The following CYP4X1 variants were observed in gnomAD, a reference collection of about 807,000 sequenced individuals.
The protein encoded by CYP4X1 is cytochrome P450 family 4 subfamily X member 1, also known as cytochrome P450 4X1.
In CYP4X1, 44 loss-of-function variants were observed where a neutral mutation model predicts 57.9. The observed-to-expected ratio is 0.76, with a 90% CI of 0.60 to 0.98. The LOEUF is 0.98. Ranked by LOEUF, CYP4X1 falls within the 50% of genes least tolerant of loss-of-function variation. CYP4X1 has a pLI of 0.00. For missense variants in CYP4X1, 532 were observed against 623.9 expected, an observed-to-expected ratio of 0.85 and a Z score of 1.57; for synonymous variants, 227 against 228.6, an observed-to-expected ratio of 0.99 and a Z score of 0.06.
chr1:47,006,199 A>G, the CYP4X1 span, among the ~76,000 whole-genome samples: 2 of 152,228 alleles, frequency 1.3e-5, no homozygotes, highest in Non-Finnish European at 2.9e-5. Flanking sequence ...TATCTGGGTC[A>G]TTTCCAATGA....
At chr1:46,979,996 T>G in the CYP4X1 span, among the ~76,000 whole-genome samples, 3 of 152,132 alleles carry the variant, frequency 2.0e-5, no homozygotes, top group African/African-American at 7.2e-5. Flanking sequence ...TAAGAGCTAT[T>G]TATGACAAAC....
the CYP4X1 span, among the ~76,000 whole-genome samples, chr1:46,994,857 T>A: frequency 3.6e-3 from 541 of 152,308 alleles, 4 homozygotes; most frequent in African/African-American, 0.012. Context: ...ACTTTAGGAA[T>A]TTATAGTCTA....
chr1:47,013,631 TTGAG>T, the CYP4X1 span, among the ~76,000 whole-genome samples: 17 of 152,200 alleles, frequency 1.1e-4, no homozygotes, highest in Non-Finnish European at 1.3e-4. Flanking sequence ...TGACTTACTA[TTGAG>T]TAAGTTAATT....
chr1:47,004,718 G>A, the CYP4X1 span, among the ~76,000 whole-genome samples: 1 of 152,194 alleles, frequency 6.6e-6, no homozygotes, highest in African/African-American at 2.4e-5. Flanking sequence ...AAGCCAAGGA[G>A]TAAAGGCAGA....
chr1:46,975,740 A>G, the CYP4X1 span, among the ~76,000 whole-genome samples: 1 of 152,104 alleles, frequency 6.6e-6, no homozygotes, highest in Admixed American at 6.5e-5. Context: ...ATTTTTGTGA[A>G]CAATATTCTC....
At chr1:46,963,561 T>C in the CYP4X1 span, among the ~76,000 whole-genome samples, 2 of 152,242 alleles carry the variant, frequency 1.3e-5, no homozygotes, top group East Asian at 3.8e-4. Flanking sequence ...TTAAAAATGT[T>C]GAATATTGGC....
chr1:47,049,348 G>A (rs906063176), intron 10 of CYP4X1, 74 bp from the exon 11 acceptor site: 13 of 1,037,108 alleles, frequency 1.3e-5, no homozygotes, highest in African/African-American at 9.5e-5. Flanking sequence ...TCTATTGATC[G>A]GTGCTAGGTG....
chr1:47,017,310 G>A, the CYP4X1 span, among the ~76,000 whole-genome samples: 1 of 152,138 alleles, frequency 6.6e-6, no homozygotes, highest in African/African-American at 2.4e-5. Flanking sequence ...ATTGTGGAAT[G>A]AATGACAAAT....
At chr1:47,012,107 C>T in the CYP4X1 span, among the ~76,000 whole-genome samples, 3 of 152,206 alleles carry the variant, frequency 2.0e-5, no homozygotes, top group Non-Finnish European at 2.9e-5. Flanking sequence ...GACACATGCA[C>T]ATGTATGCTT....
chr1:46,993,279 T>C, the CYP4X1 span, among the ~76,000 whole-genome samples: 2 of 152,088 alleles, frequency 1.3e-5, no homozygotes, highest in Non-Finnish European at 2.9e-5. Context: ...TTTTTATGGC[T>C]GCATAGTATT....
the CYP4X1 span, among the ~76,000 whole-genome samples, chr1:46,985,699 G>T: frequency 1.4e-4 from 21 of 152,192 alleles, no homozygotes; most frequent in Non-Finnish European, 2.6e-4. Flanking sequence ...CTGTTCTGCA[G>T]CCCCCACTGG....
At chr1:46,976,355 A>G in the CYP4X1 span, among the ~76,000 whole-genome samples, 1 of 152,156 alleles carries the variant, frequency 6.6e-6, no homozygotes, top group East Asian at 1.9e-4. Flanking sequence ...CTAGCACAGC[A>G]GTCCGAGATT....
intron 1 of CYP4X1, among the ~76,000 whole-genome samples, chr1:47,025,510 T>C (rs1644053243): frequency 6.6e-6 from 1 of 152,240 alleles, no homozygotes; most frequent in South Asian, 2.1e-4. Context: ...AGTAACTATA[T>C]AGTATTGTAT....
chr1:47,039,248 C>T (rs1184078100), intron 7 of CYP4X1, 94 bp from the exon 8 acceptor site: 41 of 1,167,810 alleles, frequency 3.5e-5, no homozygotes, highest in Non-Finnish European at 4.5e-5. Flanking sequence ...CTATTTAAAG[C>T]TCTGATTTTT....
chr1:47,009,444 C>T, the CYP4X1 span, among the ~76,000 whole-genome samples: 5 of 151,832 alleles, frequency 3.3e-5, no homozygotes, highest in Non-Finnish European at 5.9e-5. Flanking sequence ...AATAAATGCT[C>T]ACAAAAGAAA....
chr1:46,985,153 T>A, the CYP4X1 span, among the ~76,000 whole-genome samples: 1 of 152,044 alleles, frequency 6.6e-6, no homozygotes, highest in African/African-American at 2.4e-5. Context: ...AGACTGCCTC[T>A]CTAGATTCCT....
the CYP4X1 span, among the ~76,000 whole-genome samples, chr1:46,979,711 C>T: frequency 5.3e-5 from 8 of 152,210 alleles, no homozygotes; most frequent in African/African-American, 1.7e-4. Context: ...TGATGAACAT[C>T]GATGCGAAAA....
chr1:47,010,984 A>G, the CYP4X1 span, among the ~76,000 whole-genome samples: 5 of 152,324 alleles, frequency 3.3e-5, no homozygotes, highest in East Asian at 9.6e-4. Context: ...TATACTGCCC[A>G]TGGTAATTTA....
chr1:47,011,398 A>G, the CYP4X1 span, among the ~76,000 whole-genome samples: 11 of 152,256 alleles, frequency 7.2e-5, no homozygotes, highest in African/African-American at 2.7e-4. Context: ...ACTTTATACA[A>G]AAATTAATTC....
Sources: allele counts gnomAD v4.1 joint callset (sites outside exome capture counted in the v4.1 genomes callset), GRCh38; gene constraint gnomAD v4.1.1; transcripts MANE v1.5; gene names NCBI Gene and HGNC (gene_info 2026-07-23, HGNC 2026-07-21).